Variants in KLF9 observed in about 807,000 individuals in gnomAD.
KLF9 encodes the protein KLF transcription factor 9, also known as Krueppel-like factor 9.
A neutral mutation model predicts 17.3 loss-of-function variants in KLF9; 2 were observed. The ratio of observed to expected loss-of-function variants is 0.12; its 90% CI spans 0.05 to 0.36. KLF9 has a LOEUF of 0.36. Among genes scored for constraint, KLF9 ranks in the 10% least tolerant of loss-of-function variants. The pLI is 1.00. For missense variants in KLF9, 226 were observed against 333.2 expected (o/e 0.68, Z 2.51); for synonymous variants, 138 against 139.2 (o/e 0.99, Z 0.06).
chr9:70,404,273 T>C (rs998969563), intron 1 of KLF9, among the ~76,000 whole-genome samples: 3 of 152,158 alleles, frequency 2.0e-5, no homozygotes, highest in Non-Finnish European at 2.9e-5. Flanking sequence ...TTTACACAGC[T>C]TTTTGCATGT....
rs763161783 is a variant in KLF9 at position 70,387,803 on chromosome 9, C to A, written c.708G>T (p.Ser236=). 3 of 1,613,908 alleles carry A rather than the reference C, an allele frequency of 1.9e-6. No homozygotes were observed. In the African/African-American group the frequency reaches 4.0e-5, roughly 22 times the overall value. The change falls in exon 2 of 2, where the codon TCG becomes TCT. Residue 236 remains serine (S), a synonymous_variant. Transcript: ENST00000377126. ...TEFHPSMIKR[S]KKALANAL ...ACAAAGCGTTGGCCAGCGCCTTTTT[C>A]GATCGCTTGATCATGCTGGGGTGGA...
At chr9:70,405,628 ATC>A (rs2037250374) in intron 1 of KLF9, among the ~76,000 whole-genome samples, 1 of 152,142 alleles carries the variant, frequency 6.6e-6, no homozygotes, top group African/African-American at 2.4e-5. Context: ...TTCAATTCTC[ATC>A]TCAGGATTCC....
chr9:70,399,408 T>C (rs1052072545), intron 1 of KLF9, among the ~76,000 whole-genome samples: 1 of 152,240 alleles, frequency 6.6e-6, no homozygotes, highest in African/African-American at 2.4e-5. Flanking sequence ...AGGTAATTCC[T>C]GCCATCCCAG....
At position 70,414,234 on chromosome 9, in the gene KLF9, C is replaced by G. The variant is rs980664365; in HGVS notation, c.-871G>C. On this transcript the variant is annotated 5_prime_UTR_variant, in exon 1 of 2. Coordinates refer to ENST00000377126, the MANE Select transcript of KLF9 (RefSeq NM_001206.4). ...TCGGAGTGCCTCGCGGTCCCGTGGC[C>G]GGTCCGGGCCTCCTGGCTCACGTTC... The G allele has an allele frequency of 6.6e-6, 1 of 152,250 alleles. No individual in the cohort carries two copies. Among genetic ancestry groups the G allele is most frequent in the Non-Finnish European group, 1.5e-5 (1 of 68,074 alleles). The allele number at this position is 152,250 out of a possible 1,614,324, so 9.4% of individuals were successfully genotyped here.
chr9:70,409,224 A>G (rs1587743722), intron 1 of KLF9, among the ~76,000 whole-genome samples: 1 of 130,050 alleles, frequency 7.7e-6, no homozygotes, highest in South Asian at 2.4e-4. Flanking sequence ...ATATATGTAT[A>G]TATATATACT....
rs935831659 is a variant in KLF9, at chr9:70,413,452, A to AGCGCG, written c.-94_-90dup. ...CGCCCTGCCCTGGCCTCGGACGACG[A>AGCGCG]GCGCGGCGCGGCGCGGCACGGCGCG... On this transcript the variant is annotated 5_prime_UTR_variant, in exon 1 of 2. Transcript: ENST00000377126. The surrounding 1 kb of genome is among the most constrained non-coding windows in gnomAD (Gnocchi z 5.6). The AGCGCG allele has an allele frequency of 1.3e-4, 160 of 1,258,020 alleles. No homozygotes were observed. The Middle Eastern group carries it at 1.5e-3, about 12-fold the overall frequency. 77.9% of individuals were successfully genotyped at this position (1,258,020 alleles called of 1,614,324 possible). A position where few individuals can be genotyped will look rare whatever the true frequency, so the allele number is the denominator to read the frequency against.
At position 70,386,189 on chromosome 9, in the gene KLF9, AC is replaced by A. The variant is rs942089471; in HGVS notation, c.*1586del. ...ACTTCTGAAGAAAAAAAAAATGTAA[AC>A]ATTTCCCCCATGATCACTGCTGACT... is the stretch of plus-strand genomic sequence containing the variant. On this transcript the variant is annotated 3_prime_UTR_variant, in exon 2 of 2. Coordinates refer to ENST00000377126, the MANE Select transcript of KLF9 (RefSeq NM_001206.4). 2 of 152,624 alleles carry A rather than the reference AC, an allele frequency of 1.3e-5. No homozygotes were observed. Among genetic ancestry groups the A allele is most frequent in the African/African-American group, 4.8e-5 (2 of 41,432 alleles). 9.5% of individuals were successfully genotyped at this position (152,624 alleles called of 1,614,324 possible).
chr9:70,396,334 T>G (rs1354686539), intron 1 of KLF9, among the ~76,000 whole-genome samples: 1 of 152,224 alleles, frequency 6.6e-6, no homozygotes, highest in African/African-American at 2.4e-5. Flanking sequence ...ATACATAAAG[T>G]ATATCCTTAC....
At chr9:70,405,029 C>G (rs570729047) in intron 1 of KLF9, among the ~76,000 whole-genome samples, 1 of 152,176 alleles carries the variant, frequency 6.6e-6, no homozygotes, top group African/African-American at 2.4e-5. Context: ...ATAGGTCAGG[C>G]CTTACTCTTC....
At chr9:70,401,415 G>A (rs1396146549) in intron 1 of KLF9, among the ~76,000 whole-genome samples, 5 of 151,680 alleles carry the variant, frequency 3.3e-5, no homozygotes, top group African/African-American at 7.3e-5. Context: ...AGCTGGGTGC[G>A]GTGGCTCATG....
Position 70,409,051 on chromosome 9 carries a change from CAT to C in KLF9, c.505+3806_505+3807del, listed in dbSNP as rs1267963314. Among the ~76,000 whole-genome samples the C allele has an allele frequency of 1.9e-4, 20 of 104,324 alleles. 2 individuals are homozygous for C. The highest frequency in any genetic ancestry group is 1.5e-3 in the Admixed American group (13 of 8,818). The allele number at this position is 104,324 out of a possible 152,430, so 68.4% of individuals were successfully genotyped here. On this transcript the variant is annotated intron_variant, in intron 1 of 1. Transcript: ENST00000377126. ...ATATATATATGTGTATATATATATA[CAT>C]ATATGTGTATATATATGTGTATATA...
intron 1 of KLF9, among the ~76,000 whole-genome samples, chr9:70,394,024 CAAAA>C (rs10717844): frequency 7.5e-5 from 6 of 80,526 alleles, no homozygotes; most frequent in Admixed American, 3.9e-4. Context: ...GACCCTGTCT[CAAAA>C]AAAAAAAAAA....
At chr9:70,402,587 G>C (rs1170535642) in intron 1 of KLF9, among the ~76,000 whole-genome samples, 1 of 152,154 alleles carries the variant, frequency 6.6e-6, no homozygotes. Context: ...TGTTCCATGT[G>C]AGGCTTTTAT....
rs2037115148 is a variant in KLF9 at position 70,387,133 on chromosome 9, C to A, written c.*643G>T. The A allele has an allele frequency of 6.6e-6, 1 of 152,510 alleles. No individual in the cohort carries two copies. The highest frequency in any genetic ancestry group is 2.4e-5 in the African/African-American group (1 of 41,280). 9.4% of individuals were successfully genotyped at this position (152,510 alleles called of 1,614,324 possible). ...AAGTAACTGTTTTTTGTTTTCAAGT[C>A]TTTAGATGACAGATCATGCTGGAGT... On this transcript the variant is annotated 3_prime_UTR_variant, in exon 2 of 2. Coordinates refer to ENST00000377126, the MANE Select transcript of KLF9 (RefSeq NM_001206.4).
At chr9:70,389,884 G>A (rs1398988922) in intron 1 of KLF9, among the ~76,000 whole-genome samples, 1 of 152,158 alleles carries the variant, frequency 6.6e-6, no homozygotes, top group African/African-American at 2.4e-5. Context: ...CCTGGTTTCC[G>A]CAGAACTCTC....
intron 1 of KLF9, among the ~76,000 whole-genome samples, chr9:70,398,043 T>C (rs1452032833): frequency 1.3e-5 from 2 of 152,222 alleles, no homozygotes; most frequent in Non-Finnish European, 2.9e-5. Context: ...AAGTCTCCTG[T>C]TTATCAGAAA....
rs2037105471 is a variant in KLF9, at chr9:70,385,674, T to A, written c.*2102A>T. ...TGCAGAGTATCATAAGCAGAACCAT[T>A]CCATGAGCTCAGTGAGAAATAGGCA... On this transcript the variant is annotated 3_prime_UTR_variant, in exon 2 of 2. Coordinates refer to ENST00000377126, the MANE Select transcript of KLF9 (RefSeq NM_001206.4). 6.6e-6 allele frequency: 1 copy of A among 152,566 alleles called. No homozygotes were observed. Among genetic ancestry groups the A allele is most frequent in the South Asian group, 2.1e-4 (1 of 4,830 alleles). The allele number at this position is 152,566 out of a possible 1,614,324, so 9.5% of individuals were successfully genotyped here.
chr9:70,391,675 T>G (rs2037154103), intron 1 of KLF9, among the ~76,000 whole-genome samples: 1 of 152,228 alleles, frequency 6.6e-6, no homozygotes, highest in Non-Finnish European at 1.5e-5. Context: ...CTTTAAAAAC[T>G]TTTTGGTCAG....
chr9:70,412,877 G>C lies in KLF9; in HGVS notation c.487C>G (p.His163Asp). ...CGCTAACCTGTATGCACTCTGTAAT[G>C]GGCTTTGAGATGGGAGGATTTTCCA... is the stretch of plus-strand genomic sequence containing the variant. Reference protein sequence around the residue: ...VYGKSSHLKAHYRVHTGERPF... With the variant: ...VYGKSSHLKADYRVHTGERPF... The change falls in exon 1 of 2, where the codon CAT (histidine) becomes GAT (aspartate). Residue 163 changes from histidine (H) to aspartate (D), a missense_variant. His to Asp is a moderately conservative substitution (Grantham distance 81). Coordinates refer to ENST00000377126, the MANE Select transcript of KLF9 (RefSeq NM_001206.4). 6.2e-7 allele frequency: 1 copy of C among 1,602,416 alleles called. No individual in the cohort carries two copies.
Sources: allele counts gnomAD v4.1 joint callset (sites outside exome capture counted in the v4.1 genomes callset), GRCh38; gene constraint gnomAD v4.1.1; non-coding constraint Gnocchi (gnomAD v3.1); transcripts MANE v1.5; gene names NCBI Gene and HGNC (gene_info 2026-07-23, HGNC 2026-07-21).